The following UNC5C variants were observed in gnomAD, a reference collection of about 807,000 sequenced individuals.
UNC5C encodes netrin receptor UNC5C.
UNC5C carries 47 observed loss-of-function variants against 99.8 expected under a neutral mutation model. That is an observed-to-expected ratio of 0.47 (90% CI 0.37 to 0.60). The LOEUF (loss-of-function observed/expected upper bound fraction) is 0.60, where lower values mean the gene tolerates loss of function less well. Ranked by LOEUF, UNC5C falls within the 20% of genes least tolerant of loss-of-function variation. The pLI is 0.00. For missense variants in UNC5C, 1,062 were observed against 1,165.9 expected (o/e 0.91, Z 1.30); for synonymous variants, 487 against 452.2 (o/e 1.08, Z -0.98).
intron 7 of UNC5C, among the ~76,000 whole-genome samples, chr4:95,237,560 T>G (rs1739166247): frequency 6.6e-6 from 1 of 152,200 alleles, no homozygotes; most frequent in Admixed American, 6.5e-5. Flanking sequence ...GTAAACAATT[T>G]AGAAAACTTT....
At chr4:95,372,776 T>C (rs1223354825) in intron 1 of UNC5C, among the ~76,000 whole-genome samples, 2 of 152,208 alleles carry the variant, frequency 1.3e-5, no homozygotes, top group African/African-American at 2.4e-5. Flanking sequence ...AGAGATTTTC[T>C]TGCTCTGCTT....
intron 7 of UNC5C, among the ~76,000 whole-genome samples, chr4:95,233,005 T>C (rs1738971530): frequency 6.6e-6 from 1 of 152,232 alleles, no homozygotes; most frequent in African/African-American, 2.4e-5. Flanking sequence ...CTCAAATGCC[T>C]ACCACAGGCG....
intron 1 of UNC5C, among the ~76,000 whole-genome samples, chr4:95,536,061 CATATATAT>C (rs58901868): frequency 7.1e-6 from 1 of 140,814 alleles, no homozygotes; most frequent in African/African-American, 2.6e-5. Context: ...TACATACATA[CATATATAT>C]ATATATATAT....
At chr4:95,333,870 A>G (rs1743225326) in intron 2 of UNC5C, among the ~76,000 whole-genome samples, 1 of 152,038 alleles carries the variant, frequency 6.6e-6, no homozygotes. Flanking sequence ...TTTGTTTGAA[A>G]TCTATACAAA....
rs542188572 is a variant in UNC5C at position 95,260,706 on chromosome 4, A to G, written c.595-10039T>C. 7.2e-5 allele frequency among the ~76,000 whole-genome samples: 11 copies of G among 152,302 alleles called. No individual in the cohort carries two copies. The South Asian group carries it at 2.3e-3, about 32-fold the overall frequency. ...GGAAGAGGGCACCTTGTACTCCCTA[A>G]TGCAAATCATGAGAATCCTGACCTG... is the stretch of plus-strand genomic sequence containing the variant. On this transcript the variant is annotated intron_variant, in intron 4 of 15. Coordinates refer to ENST00000453304, the MANE Select transcript of UNC5C (RefSeq NM_003728.4).
intron 8 of UNC5C, among the ~76,000 whole-genome samples, chr4:95,219,745 C>A (rs531184236): frequency 6.6e-6 from 1 of 152,044 alleles, no homozygotes; most frequent in Non-Finnish European, 1.5e-5. Flanking sequence ...TCAGGGTACT[C>A]TTTTCGATTA....
At chr4:95,269,047 A>C (rs1579283572) in intron 4 of UNC5C, among the ~76,000 whole-genome samples, 1 of 152,336 alleles carries the variant, frequency 6.6e-6, no homozygotes, top group Middle Eastern at 3.4e-3. Context: ...CTGGTTTGGA[A>C]GTGACAAATC....
In UNC5C at chr4:95,525,962, T is replaced by G. The variant is rs139807926; in HGVS notation, c.124+22772A>C. On this transcript the variant is annotated intron_variant, in intron 1 of 15. Coordinates refer to ENST00000453304, the MANE Select transcript of UNC5C (RefSeq NM_003728.4). The stretch of plus-strand genomic sequence containing the variant: ...TTACTTTCTAAAACACATTTAATTT[T>G]AAAAATTCGAATAGGCTTAATGAAA... Among the ~76,000 whole-genome samples, 705 of 152,268 alleles carry G rather than the reference T, an allele frequency of 4.6e-3. 3 individuals are homozygous for G. The highest frequency in any genetic ancestry group is 0.016 in the African/African-American group (671 of 41,562).
At chr4:95,267,511 G>T (rs1740492461) in intron 4 of UNC5C, among the ~76,000 whole-genome samples, 1 of 152,160 alleles carries the variant, frequency 6.6e-6, no homozygotes, top group Non-Finnish European at 1.5e-5. Context: ...TGCACCTTTA[G>T]ATGATACAAA....
intron 1 of UNC5C, among the ~76,000 whole-genome samples, chr4:95,531,526 G>T (rs895054288): frequency 3.9e-5 from 6 of 152,062 alleles, no homozygotes; most frequent in Admixed American, 1.3e-4. Flanking sequence ...ACATATTTTG[G>T]TTACCTTAAA....
intron 1 of UNC5C, among the ~76,000 whole-genome samples, chr4:95,407,481 T>C (rs1364760097): frequency 6.6e-6 from 1 of 152,012 alleles, no homozygotes; most frequent in African/African-American, 2.4e-5. Flanking sequence ...AAACCAATCA[T>C]GCTCAGCTGA....
intron 7 of UNC5C, among the ~76,000 whole-genome samples, chr4:95,221,114 A>G (rs1738453970): frequency 6.6e-6 from 1 of 152,194 alleles, no homozygotes; most frequent in Non-Finnish European, 1.5e-5. Flanking sequence ...TAACTGGAAA[A>G]GGTGATAGAA....
chr4:95,526,688 T>C (rs1309065818), intron 1 of UNC5C, among the ~76,000 whole-genome samples: 1 of 151,986 alleles, frequency 6.6e-6, no homozygotes, highest in East Asian at 1.9e-4. Context: ...CATTGTATAA[T>C]GAATTAAAGT....
At chr4:95,424,724 T>C (rs546003618) in intron 1 of UNC5C, among the ~76,000 whole-genome samples, 111 of 151,822 alleles carry the variant, frequency 7.3e-4, no homozygotes, top group Middle Eastern at 6.8e-3. Flanking sequence ...CAGGTTTCAC[T>C]GTGTTAGCCA....
chr4:95,353,235 A>G (rs1400868287), intron 1 of UNC5C, among the ~76,000 whole-genome samples: 1 of 152,120 alleles, frequency 6.6e-6, no homozygotes, highest in Non-Finnish European at 1.5e-5. Context: ...AGTCAGCTCT[A>G]CCACACACCT....
At chr4:95,257,762 T>A (rs185719253) in intron 4 of UNC5C, among the ~76,000 whole-genome samples, 112 of 152,362 alleles carry the variant, frequency 7.4e-4, no homozygotes, top group African/African-American at 2.5e-3. Context: ...AAATAATTTT[T>A]AAAAATAACC....
At chr4:95,271,389 G>A (rs541231550) in intron 4 of UNC5C, among the ~76,000 whole-genome samples, 12 of 148,608 alleles carry the variant, frequency 8.1e-5, no homozygotes, top group Admixed American at 2.6e-4. Context: ...CACCACGCCC[G>A]GCTAATTTTT....
intron 7 of UNC5C, among the ~76,000 whole-genome samples, chr4:95,225,419 G>GA (rs1372953527): frequency 6.6e-6 from 1 of 151,844 alleles, no homozygotes; most frequent in Admixed American, 6.6e-5. Flanking sequence ...ATGTCATTTT[G>GA]AAAAAAATCA....
intron 3 of UNC5C, among the ~76,000 whole-genome samples, chr4:95,282,184 A>G (rs1741083176): frequency 1.3e-5 from 2 of 152,206 alleles, no homozygotes; most frequent in Admixed American, 1.3e-4. Context: ...ATCCAATGAT[A>G]TAGAGTGAAC....
Sources: gnomAD v4.1 joint callset for allele counts (sites outside exome capture counted in the v4.1 genomes callset) on GRCh38, gnomAD v4.1.1 for gene constraint, MANE v1.5 for transcripts, NCBI Gene and HGNC (gene_info 2026-07-23, HGNC 2026-07-21) for gene names.